Variants in TMPRSS11E observed in about 807,000 individuals in gnomAD.
TMPRSS11E encodes transmembrane serine protease 11E, also known as transmembrane protease serine 11E.
Under a neutral mutation model 48.1 loss-of-function variants are expected in TMPRSS11E, and 38 were observed. That is an observed-to-expected ratio of 0.79 (90% confidence interval 0.61 to 1.04). TMPRSS11E has a LOEUF of 1.04. TMPRSS11E is among the 50% of genes least tolerant of loss of function. The pLI, the probability that TMPRSS11E is intolerant of heterozygous loss-of-function variation, is 0.00. For synonymous variants in TMPRSS11E, 158 were observed against 171.9 expected, an observed-to-expected ratio of 0.92 and a Z score of 0.63; for missense variants, 530 against 510.8, an observed-to-expected ratio of 1.04 and a Z score of -0.36.
At chr4:68,453,595 A>G (rs1187163312) in intron 1 of TMPRSS11E, among the ~76,000 whole-genome samples, 3 of 152,006 alleles carry the variant, frequency 2.0e-5, no homozygotes, top group South Asian at 4.1e-4. Context: ...CAGAATTTGC[A>G]AGAGAATTAG....
rs1729319335 is a variant in TMPRSS11E at position 68,478,861 on chromosome 4, A to T, written c.980A>T (p.Asn327Ile). ...TTTTTTCTTTTAGGTTACAGTCAAAATCATCTTCGACAAGCACAGGTGACT... is the reference window on the plus strand; with the variant it reads ...TTTTTTCTTTTAGGTTACAGTCAAATTCATCTTCGACAAGCACAGGTGACT... Reference protein sequence around the residue: ...GALKNDGYSQNHLRQAQVTLI... With the variant: ...GALKNDGYSQIHLRQAQVTLI... Residue 327 changes from asparagine to isoleucine, a missense_variant, in exon 9 of 10, where the codon AAT (asparagine) becomes ATT (isoleucine). Coordinates refer to ENST00000305363, the MANE Select transcript of TMPRSS11E (RefSeq NM_014058.4). The T allele has an allele frequency of 1.9e-6, 3 of 1,613,686 alleles. No individual in the cohort carries two copies. Among genetic ancestry groups the T allele is most frequent in the African/African-American group, 1.3e-5 (1 of 74,988 alleles).
intron 1 of TMPRSS11E, among the ~76,000 whole-genome samples, chr4:68,452,419 A>G (rs897705300): frequency 6.6e-6 from 1 of 152,012 alleles, no homozygotes; most frequent in African/African-American, 2.4e-5. Context: ...TACATATGTA[A>G]TTTCAACATA....
intron 1 of TMPRSS11E, among the ~76,000 whole-genome samples, chr4:68,449,332 A>G (rs145579457): frequency 0.24 from 35,805 of 151,566 alleles, 4,575 homozygotes; most frequent in Middle Eastern, 0.31. Context: ...TGGGAAGAGA[A>G]GAATGTGTCC....
At chr4:68,485,833 A>G (rs568469012) in intron 9 of TMPRSS11E, among the ~76,000 whole-genome samples, 16 of 152,080 alleles carry the variant, frequency 1.1e-4, no homozygotes, top group Non-Finnish European at 1.8e-4. Context: ...TTTGGAACTC[A>G]TTATTTATCT....
At chr4:68,456,073 T>C (rs1009772839) in intron 1 of TMPRSS11E, among the ~76,000 whole-genome samples, 2 of 151,960 alleles carry the variant, frequency 1.3e-5, no homozygotes, top group Admixed American at 6.6e-5. Context: ...GTTGGGAACT[T>C]AATAAAACCT....
In TMPRSS11E at chr4:68,497,563, A is replaced by C. The variant is rs1200685295; in HGVS notation, c.*759A>C. ...AAGCAAATATTTATTTAACATTGTT[A>C]CTGAGGATGTCAACATATAACAATA... On this transcript the variant is annotated 3_prime_UTR_variant, in exon 10 of 10. Coordinates refer to ENST00000305363, the MANE Select transcript of TMPRSS11E (RefSeq NM_014058.4). The C allele has an allele frequency of 2.6e-5, 4 of 152,274 alleles. No homozygotes were observed. The highest frequency in any genetic ancestry group is 1.9e-4 in the East Asian group (1 of 5,186). 9.4% of individuals were successfully genotyped at this position (152,274 alleles called of 1,614,324 possible). A position where few individuals can be genotyped will look rare whatever the true frequency, so the allele number is the denominator to read the frequency against.
intron 2 of TMPRSS11E, among the ~76,000 whole-genome samples, chr4:68,464,562 C>G (rs1728877519): frequency 6.6e-6 from 1 of 152,118 alleles, no homozygotes; most frequent in South Asian, 2.1e-4. Flanking sequence ...ACTACTCATA[C>G]CATATATTTA....
intron 2 of TMPRSS11E, 121 bp from the exon 3 acceptor site, chr4:68,466,509 TG>T: frequency 1.0e-6 from 1 of 964,174 alleles, no homozygotes; most frequent in Non-Finnish European, 1.6e-6. Flanking sequence ...ATGATGATGA[TG>T]ACCTGTGCTA....
At chr4:68,477,239 G>C (rs1729247168) in intron 7 of TMPRSS11E, 130 bp from the exon 8 acceptor site, 2 of 910,216 alleles carry the variant, frequency 2.2e-6, no homozygotes, top group Admixed American at 2.8e-5. Flanking sequence ...TATCAAATTG[G>C]AAAGAGTTCT....
intron 6 of TMPRSS11E, among the ~76,000 whole-genome samples, chr4:68,475,003 G>T (rs1032041163): frequency 1.3e-5 from 2 of 152,096 alleles, no homozygotes; most frequent in Non-Finnish European, 2.9e-5. Flanking sequence ...TAGTGGAATT[G>T]AGTTGTACAG....
chr4:68,466,922 G>A (rs1407503796), intron 3 of TMPRSS11E, among the ~76,000 whole-genome samples, 170 bp downstream of exon 3: 1 of 152,064 alleles, frequency 6.6e-6, no homozygotes, highest in Non-Finnish European at 1.5e-5. Context: ...ACATCACTTA[G>A]CACAATATGA....
rs559555620 is a variant in TMPRSS11E, at chr4:68,464,016, G to T, written c.136+2071G>T. The stretch of plus-strand genomic sequence containing the variant: ...TATGTATACAGTGAAAACTTGGCAA[G>T]AATTTTTTCAGTAACCTGTTCCTGA... On this transcript the variant is annotated intron_variant, in intron 2 of 9. Coordinates refer to ENST00000305363, the MANE Select transcript of TMPRSS11E (RefSeq NM_014058.4). Among the ~76,000 whole-genome samples the T allele has an allele frequency of 2.6e-4, 39 of 152,272 alleles. No homozygotes were observed. The South Asian group carries it at 7.7e-3, about 30-fold the overall frequency.
At chr4:68,459,321 A>G (rs1407025521) in intron 1 of TMPRSS11E, among the ~76,000 whole-genome samples, 1 of 151,774 alleles carries the variant, frequency 6.6e-6, no homozygotes, top group African/African-American at 2.4e-5. Context: ...TTTTTTTTTC[A>G]TATTTTAAGA....
intron 1 of TMPRSS11E, among the ~76,000 whole-genome samples, chr4:68,447,919 A>G (rs181490147): frequency 1.7e-3 from 254 of 151,828 alleles, no homozygotes; most frequent in Non-Finnish European, 2.9e-3. Context: ...AAAGTCTGAA[A>G]TAATGCAGAA....
chr4:68,486,566 T>TA (rs1729559905), intron 9 of TMPRSS11E, among the ~76,000 whole-genome samples: 1 of 152,206 alleles, frequency 6.6e-6, no homozygotes, highest in Admixed American at 6.5e-5. Context: ...TGGTTGATCT[T>TA]AGAGTATGTG....
chr4:68,466,875 G>C (rs1279393862), intron 3 of TMPRSS11E, 123 bp downstream of exon 3: 2 of 1,248,512 alleles, frequency 1.6e-6, no homozygotes, highest in African/African-American at 3.0e-5. Context: ...AATGAAAAGA[G>C]GCCCTAACCC....
rs1329580297 is a variant in TMPRSS11E at position 68,473,828 on chromosome 4, C to G, written c.491-895C>G. On this transcript the variant is annotated intron_variant, in intron 5 of 9. Coordinates refer to ENST00000305363, the MANE Select transcript of TMPRSS11E (RefSeq NM_014058.4). ...TCAGAGGTGGTCCTTTTAATATTAACTGAGACTAAATTGTAAATTCTTCCT... is the reference window on the plus strand; with the variant it reads ...TCAGAGGTGGTCCTTTTAATATTAAGTGAGACTAAATTGTAAATTCTTCCT... Among the ~76,000 whole-genome samples the G allele has an allele frequency of 2.0e-5, 3 of 152,122 alleles. No homozygotes were observed. The East Asian group carries it at 5.8e-4, about 29-fold the overall frequency.
intron 2 of TMPRSS11E, among the ~76,000 whole-genome samples, chr4:68,465,570 A>G (rs371917549): frequency 1.3e-5 from 2 of 152,228 alleles, no homozygotes; most frequent in East Asian, 3.9e-4. Context: ...AAATGTGGAT[A>G]ACATTGCCTT....
chr4:68,455,796 T>C (rs770478870), intron 1 of TMPRSS11E, among the ~76,000 whole-genome samples: 40 of 152,032 alleles, frequency 2.6e-4, no homozygotes, highest in Non-Finnish European at 7.4e-5. Context: ...AACTTTGCTG[T>C]GGGATATTGT....
Sources: allele counts gnomAD v4.1 joint callset (sites outside exome capture counted in the v4.1 genomes callset), GRCh38; gene constraint gnomAD v4.1.1; transcripts MANE v1.5; gene names NCBI Gene and HGNC (gene_info 2026-07-23, HGNC 2026-07-21).